The following AGO3 variants were observed in gnomAD, a reference collection of about 807,000 sequenced individuals.
AGO3 encodes protein argonaute-3.
In AGO3, 16 loss-of-function variants were observed where a neutral mutation model predicts 105.5. The ratio of observed to expected loss-of-function variants is 0.15; its 90% CI spans 0.10 to 0.23. AGO3 has a LOEUF of 0.23. Ranked by LOEUF, AGO3 falls within the 10% of genes least tolerant of loss-of-function variation. The probability of loss-of-function intolerance (pLI) is 1.00; values close to 1 mark genes in which losing one functional copy is unlikely to be tolerated. For missense variants in AGO3, 534 were observed against 1,088.0 expected (o/e 0.49, Z 7.16); for synonymous variants, 340 against 367.3 (o/e 0.93, Z 0.85).
Position 36,040,028 on chromosome 1 carries a change from T to C in AGO3, c.2037+44T>C, listed in dbSNP as rs753300672. 8 of 1,545,316 alleles carry C rather than the reference T, an allele frequency of 5.2e-6. No homozygotes were observed. The East Asian group carries it at 6.8e-5, about 13-fold the overall frequency. On this transcript the variant is annotated intron_variant, in intron 15 of 18. Transcript: ENST00000373191. ...CATCAGACTATGGTGAAATCAGATATTGTGTTTATAATATGGTGTCTAGTT... is the reference window on the plus strand; with the variant it reads ...CATCAGACTATGGTGAAATCAGATACTGTGTTTATAATATGGTGTCTAGTT...
intron 2 of AGO3, among the ~76,000 whole-genome samples, chr1:35,956,435 A>C (rs962352654): frequency 1.3e-5 from 2 of 152,144 alleles, no homozygotes; most frequent in Non-Finnish European, 2.9e-5. Context: ...GTCAAAATGG[A>C]GATTGTGATT....
At chr1:35,955,396 C>G (rs940790625) in intron 2 of AGO3, among the ~76,000 whole-genome samples, 10 of 152,098 alleles carry the variant, frequency 6.6e-5, no homozygotes, top group African/African-American at 2.4e-4. Context: ...TTGGCGTGTA[C>G]TACTGTTTTA....
intron 16 of AGO3, among the ~76,000 whole-genome samples, chr1:36,041,959 C>T (rs1024489693): frequency 1.3e-5 from 2 of 152,094 alleles, no homozygotes; most frequent in African/African-American, 4.8e-5. Flanking sequence ...TAAAGTTTGG[C>T]TAGCTGCAGA....
intron 2 of AGO3, among the ~76,000 whole-genome samples, chr1:35,959,683 ATTG>A (rs1002345888): frequency 5.3e-5 from 8 of 152,080 alleles, no homozygotes; most frequent in African/African-American, 1.9e-4. Flanking sequence ...TCCTAACCCT[ATTG>A]TTGTAATAAA....
At chr1:35,964,416 C>T (rs553411943) in intron 2 of AGO3, among the ~76,000 whole-genome samples, 3 of 152,082 alleles carry the variant, frequency 2.0e-5, no homozygotes, top group African/African-American at 4.8e-5. Context: ...CTAAGGATAA[C>T]GGCCTCTAGC....
Position 35,945,667 on chromosome 1 carries a change from T to C in AGO3, c.20-25T>C. On this transcript the variant is annotated intron_variant, in intron 1 of 18. Transcript: ENST00000373191. ...GGAATACAGCTTGTAACTGTGACTC[T>C]TTTTTTTTCCCTTTCCCCTGGCAGG... The C allele has an allele frequency of 1.3e-6, 2 of 1,573,618 alleles. 1 individual carries two copies. Among genetic ancestry groups the C allele is most frequent in the South Asian group, 2.3e-5 (2 of 87,032 alleles).
chr1:36,050,601 G>A (rs1642671085), intron 17 of AGO3, among the ~76,000 whole-genome samples: 1 of 151,766 alleles, frequency 6.6e-6, no homozygotes. Context: ...TGACCAGCCT[G>A]GCCAACATGG....
intron 5 of AGO3, chr1:35,982,847 C>A: frequency 2.1e-6 from 1 of 478,940 alleles, no homozygotes. Context: ...AAAAAATAGA[C>A]CAGAGCTTTA....
At chr1:35,962,557 AGAG>A (rs1557653653) in intron 2 of AGO3, among the ~76,000 whole-genome samples, 2 of 151,442 alleles carry the variant, frequency 1.3e-5, no homozygotes, top group Non-Finnish European at 2.9e-5. Context: ...AAAAAAAAAA[AGAG>A]AAAGAAAGAA....
chr1:35,957,568 A>G (rs1646592631), intron 2 of AGO3, among the ~76,000 whole-genome samples: 1 of 151,968 alleles, frequency 6.6e-6, no homozygotes, highest in Non-Finnish European at 1.5e-5. Flanking sequence ...TCTACTAAAA[A>G]TGCAAAAATT....
intron 2 of AGO3, among the ~76,000 whole-genome samples, chr1:35,961,935 A>G (rs1205291597): frequency 6.6e-6 from 1 of 152,100 alleles, no homozygotes; most frequent in Non-Finnish European, 1.5e-5. Context: ...AAGTGTTTGG[A>G]CGTTAAGTGT....
chr1:36,017,693 A>G (rs1256372639), intron 11 of AGO3, among the ~76,000 whole-genome samples: 3 of 152,102 alleles, frequency 2.0e-5, no homozygotes, highest in Admixed American at 2.0e-4. Flanking sequence ...GCTTGAGCTC[A>G]GGAGTTCAAG....
chr1:36,018,614 G>A (rs1464777855), intron 11 of AGO3, among the ~76,000 whole-genome samples: 2 of 151,668 alleles, frequency 1.3e-5, no homozygotes, highest in East Asian at 3.9e-4. Flanking sequence ...TTGTATTTTA[G>A]TAGAGATGGG....
At chr1:35,977,047 A>G (rs1646967391) in intron 5 of AGO3, among the ~76,000 whole-genome samples, 1 of 151,878 alleles carries the variant, frequency 6.6e-6, no homozygotes, top group African/African-American at 2.4e-5. Flanking sequence ...TCCCTCATTT[A>G]TTTTGTGAAA....
chr1:35,945,563 G>A, intron 1 of AGO3, 129 bp from the exon 2 acceptor site: 1 of 863,738 alleles, frequency 1.2e-6, no homozygotes, highest in Middle Eastern at 3.8e-4. Context: ...TGTTAGAAAT[G>A]ATGTCATCTT....
chr1:36,034,116 A>T, intron 12 of AGO3, 58 bp from the exon 13 acceptor site: 1 of 1,419,140 alleles, frequency 7.0e-7, no homozygotes, highest in Non-Finnish European at 9.3e-7. Flanking sequence ...TATTTTCAGT[A>T]TGTAAAATTA....
chr1:35,962,962 C>T (rs955765894), intron 2 of AGO3, among the ~76,000 whole-genome samples: 7 of 152,104 alleles, frequency 4.6e-5, no homozygotes, highest in Middle Eastern at 3.2e-3. Context: ...TTAGTTTATA[C>T]CGATTAGGCT....
At chr1:35,959,611 T>G (rs557584395) in intron 2 of AGO3, among the ~76,000 whole-genome samples, 61 of 152,284 alleles carry the variant, frequency 4.0e-4, no homozygotes, top group African/African-American at 1.4e-3. Flanking sequence ...GCTAAGAACT[T>G]GTTTAACAAT....
chr1:36,046,820 C>T (rs1642493247), intron 17 of AGO3, among the ~76,000 whole-genome samples: 1 of 151,982 alleles, frequency 6.6e-6, no homozygotes, highest in South Asian at 2.1e-4. Flanking sequence ...CAGGCATAGC[C>T]CCATGCCTGA....
Sources: allele counts gnomAD v4.1 joint callset (sites outside exome capture counted in the v4.1 genomes callset), GRCh38; gene constraint gnomAD v4.1.1; transcripts MANE v1.5; gene names NCBI Gene and HGNC (gene_info 2026-07-23, HGNC 2026-07-21).